MEI4: variants seen among roughly 807,000 people sequenced by gnomAD.
The protein encoded by MEI4 is meiotic double-stranded break formation protein 4.
A neutral mutation model predicts 31.4 loss-of-function variants in MEI4; 27 were observed. That is an observed-to-expected ratio of 0.86 (90% CI 0.63 to 1.19). MEI4 has a LOEUF of 1.19. Among genes scored for constraint, MEI4 ranks in the 50% most tolerant of loss-of-function variants. The pLI, the probability that MEI4 is intolerant of heterozygous loss-of-function variation, is 0.00. For synonymous variants in MEI4, 122 were observed against 145.4 expected (o/e 0.84, Z 1.16); for missense variants, 329 against 398.9 (o/e 0.82, Z 1.49).
At chr6:77,736,169 G>A (rs971211621) in intron 2 of MEI4, among the ~76,000 whole-genome samples, 16 of 152,062 alleles carry the variant, frequency 1.1e-4, no homozygotes, top group East Asian at 1.9e-4. Context: ...CACCGGGTTC[G>A]AGCTTCCAGG....
intron 3 of MEI4, among the ~76,000 whole-genome samples, chr6:77,800,918 A>G (rs182203913): frequency 2.9e-4 from 44 of 152,282 alleles, no homozygotes; most frequent in African/African-American, 9.4e-4. Flanking sequence ...GGATTGTTGC[A>G]TTAATGTTCA....
At chr6:77,661,766 A>G (rs1768514847) in intron 1 of MEI4, among the ~76,000 whole-genome samples, 1 of 152,062 alleles carries the variant, frequency 6.6e-6, no homozygotes, top group Non-Finnish European at 1.5e-5. Context: ...TCCTTGGTCT[A>G]AGAACCATTT....
At chr6:77,756,235 A>G (rs1326958315) in intron 2 of MEI4, among the ~76,000 whole-genome samples, 1 of 152,200 alleles carries the variant, frequency 6.6e-6, no homozygotes, top group Non-Finnish European at 1.5e-5. Context: ...ATTTATGACT[A>G]TTATCAGATA....
At chr6:77,786,318 T>C (rs1206463254) in intron 3 of MEI4, among the ~76,000 whole-genome samples, 2 of 152,090 alleles carry the variant, frequency 1.3e-5, no homozygotes, top group Admixed American at 1.3e-4. Flanking sequence ...CTCACTAAGG[T>C]AAAATTGTAA....
chr6:77,709,881 T>G (rs1314433570), intron 2 of MEI4, among the ~76,000 whole-genome samples: 1 of 152,212 alleles, frequency 6.6e-6, no homozygotes, highest in Non-Finnish European at 1.5e-5. Context: ...ATGTGTTTAT[T>G]TTTTATTCTG....
chr6:77,713,745 T>G (rs567621377), intron 2 of MEI4, among the ~76,000 whole-genome samples: 7 of 152,330 alleles, frequency 4.6e-5, no homozygotes, highest in South Asian at 2.1e-4. Context: ...CTAATCTGAT[T>G]GCTATTCTTT....
chr6:77,822,770 C>T (rs894900565), intron 3 of MEI4, among the ~76,000 whole-genome samples: 7 of 151,682 alleles, frequency 4.6e-5, no homozygotes, highest in African/African-American at 9.7e-5. Flanking sequence ...CAGGCACCCA[C>T]CACCACTCCT....
At position 77,926,706 on chromosome 6, in the gene MEI4, C is replaced by CCAA. The variant is rs774930891; in HGVS notation, c.*3361_*3363dup. 6.6e-5 allele frequency: 10 copies of CCAA among 151,964 alleles called. No homozygotes were observed. The South Asian group carries it at 2.1e-3, about 32-fold the overall frequency. 9.4% of individuals were successfully genotyped at this position (151,964 alleles called of 1,614,324 possible). A position where few individuals can be genotyped will look rare whatever the true frequency, so the allele number is the denominator to read the frequency against. On this transcript the variant is annotated 3_prime_UTR_variant, in exon 5 of 5. Coordinates refer to ENST00000684080, the MANE Select transcript of MEI4 (RefSeq NM_001322247.2). ...TCATTTATTCATCAAATATGAAGCA[C>CCAA]CAATTGTCTACAAACCAATTATTTG...
intron 4 of MEI4, among the ~76,000 whole-genome samples, chr6:77,858,409 G>T (rs1408838438): frequency 6.6e-6 from 1 of 151,954 alleles, no homozygotes; most frequent in African/African-American, 2.4e-5. Context: ...TGCCAAAAAG[G>T]ATTATGCATT....
At chr6:77,760,918 T>C (rs1768027486) in intron 2 of MEI4, among the ~76,000 whole-genome samples, 1 of 152,198 alleles carries the variant, frequency 6.6e-6, no homozygotes, top group Non-Finnish European at 1.5e-5. Flanking sequence ...TGAGTCACCT[T>C]TCTACCCATG....
At chr6:77,834,550 C>T (rs1462773923) in intron 4 of MEI4, among the ~76,000 whole-genome samples, 7 of 151,512 alleles carry the variant, frequency 4.6e-5, no homozygotes, top group South Asian at 2.1e-4. Flanking sequence ...ACCCCTGATT[C>T]GGCAACGGAT....
chr6:77,789,762 C>T lies in MEI4; in HGVS notation c.768+28097C>T, dbSNP rs375206433. On this transcript the variant is annotated intron_variant, in intron 3 of 4. Coordinates refer to ENST00000684080, the MANE Select transcript of MEI4 (RefSeq NM_001322247.2). ...TTAAAAAGTCAGGAAACAACAGGTG[C>T]TGGAGAGGATGTGGAGAAATAGGAA... Among the ~76,000 whole-genome samples the T allele has an allele frequency of 3.3e-5, 5 of 152,080 alleles. No homozygotes were observed. The East Asian group carries it at 7.7e-4, about 24-fold the overall frequency.
In MEI4 at chr6:77,847,270, A is replaced by G. The variant is rs1409426606; in HGVS notation, c.900+18208A>G. On this transcript the variant is annotated intron_variant, in intron 4 of 4. Coordinates refer to ENST00000684080, the MANE Select transcript of MEI4 (RefSeq NM_001322247.2). This position sits in a 1 kb window ranked among gnomAD's most constrained non-coding sequence, Gnocchi z 4.6. ...CACTGTCAAAATAATTCTGTGTCTTAGATTATAATTAATTCAAGAGAAATG... is the reference window on the plus strand; with the variant it reads ...CACTGTCAAAATAATTCTGTGTCTTGGATTATAATTAATTCAAGAGAAATG... Among the ~76,000 whole-genome samples, 1 of 152,196 alleles carries G rather than the reference A, an allele frequency of 6.6e-6. No homozygotes were observed. Among genetic ancestry groups the G allele is most frequent in the Non-Finnish European group, 1.5e-5 (1 of 68,032 alleles).
intron 2 of MEI4, among the ~76,000 whole-genome samples, chr6:77,740,597 G>A (rs1288132728): frequency 1.3e-5 from 2 of 152,010 alleles, no homozygotes; most frequent in African/African-American, 4.8e-5. Context: ...CCACCAGGTG[G>A]CATAAACATT....
rs1766790479 is a variant in MEI4, at chr6:77,924,269, TTC to T, written c.*924_*925del. 1 of 151,880 alleles carries T rather than the reference TTC, an allele frequency of 6.6e-6. No homozygotes were observed. Among genetic ancestry groups the T allele is most frequent in the South Asian group, 2.1e-4 (1 of 4,834 alleles). The allele number at this position is 151,880 out of a possible 1,614,324, so 9.4% of individuals were successfully genotyped here. On this transcript the variant is annotated 3_prime_UTR_variant, in exon 5 of 5. Coordinates refer to ENST00000684080, the MANE Select transcript of MEI4 (RefSeq NM_001322247.2). ...CTTTATTAATGATATGTGATGGTGTTTCATAAGTTAATTAGCATTCCTAAATG... is the reference window on the plus strand; with the variant it reads ...CTTTATTAATGATATGTGATGGTGTTATAAGTTAATTAGCATTCCTAAATG...
chr6:77,740,901 CTG>C (rs567172262), intron 2 of MEI4, among the ~76,000 whole-genome samples: 16 of 152,228 alleles, frequency 1.1e-4, no homozygotes, highest in African/African-American at 3.6e-4. Context: ...AAAATAAACT[CTG>C]TGTCTACCCT....
chr6:77,921,539 T>G (rs1020206167), intron 4 of MEI4, among the ~76,000 whole-genome samples: 2 of 151,838 alleles, frequency 1.3e-5, no homozygotes, highest in Non-Finnish European at 2.9e-5. Context: ...CAAGAACTCT[T>G]TCTTTGAATT....
chr6:77,663,392 T>A (rs1326656431), intron 1 of MEI4, among the ~76,000 whole-genome samples: 1 of 151,788 alleles, frequency 6.6e-6, no homozygotes, highest in Non-Finnish European at 1.5e-5. Context: ...TGTCCTATAC[T>A]TGTGGGTTAA....
At chr6:77,652,581 A>G (rs1727310666), upstream of MEI4, among the ~76,000 whole-genome samples, 1 of 152,234 alleles carries the variant, frequency 6.6e-6, no homozygotes, top group Non-Finnish European at 1.5e-5. Flanking sequence ...AAGGTTTGGT[A>G]TGCAATTAGT....
Sources: allele counts gnomAD v4.1 joint callset (sites outside exome capture counted in the v4.1 genomes callset), GRCh38; gene constraint gnomAD v4.1.1; non-coding constraint Gnocchi (gnomAD v3.1); transcripts MANE v1.5; gene names NCBI Gene and HGNC (gene_info 2026-07-23, HGNC 2026-07-21).